CREB3L2: variants seen among roughly 807,000 people sequenced by gnomAD.
CREB3L2 encodes the protein cyclic AMP-responsive element-binding protein 3-like protein 2.
In CREB3L2, 23 loss-of-function variants were observed where a neutral mutation model predicts 57.2. The ratio of observed to expected loss-of-function variants is 0.40; its 90% CI spans 0.29 to 0.57. The LOEUF is 0.57. CREB3L2 is among the 20% of genes least tolerant of loss of function. The pLI is 0.42. For synonymous variants in CREB3L2, 268 were observed against 265.1 expected, an observed-to-expected ratio of 1.01 and a Z score of -0.11; for missense variants, 628 against 634.7, an observed-to-expected ratio of 0.99 and a Z score of 0.11.
intron 1 of CREB3L2, among the ~76,000 whole-genome samples, chr7:137,978,812 GCA>G (rs1321937157): frequency 6.6e-6 from 1 of 152,174 alleles, no homozygotes; most frequent in Non-Finnish European, 1.5e-5. Context: ...GCAGCACTGG[GCA>G]CAGAGTGCGG....
At chr7:137,986,983 C>T (rs1158765425) in intron 1 of CREB3L2, among the ~76,000 whole-genome samples, 4 of 152,238 alleles carry the variant, frequency 2.6e-5, no homozygotes, top group Non-Finnish European at 5.9e-5. Flanking sequence ...AGCTGTGCTG[C>T]AGCTGTTCGC....
At chr7:137,924,122 C>G (rs1372335941) in intron 2 of CREB3L2, among the ~76,000 whole-genome samples, 1 of 152,198 alleles carries the variant, frequency 6.6e-6, no homozygotes, top group Non-Finnish European at 1.5e-5. Context: ...CCACTGAAAG[C>G]CCTACTAAAT....
intron 5 of CREB3L2, among the ~76,000 whole-genome samples, chr7:137,906,485 T>C (rs2117206740): frequency 6.6e-6 from 1 of 152,354 alleles, no homozygotes; most frequent in Non-Finnish European, 1.5e-5. Flanking sequence ...TATTGCATTT[T>C]AGCTCCATAC....
chr7:137,893,138 C>T (rs1040089594), intron 8 of CREB3L2, among the ~76,000 whole-genome samples: 6 of 151,952 alleles, frequency 3.9e-5, no homozygotes, highest in African/African-American at 1.5e-4. Context: ...TTACAAGAGG[C>T]TTCTTTATTT....
At chr7:137,920,577 T>C (rs913020695) in intron 2 of CREB3L2, among the ~76,000 whole-genome samples, 4 of 152,202 alleles carry the variant, frequency 2.6e-5, no homozygotes, top group Non-Finnish European at 5.9e-5. Flanking sequence ...GCTGATACAA[T>C]ATAGCCGAAT....
rs577051380 is a variant in CREB3L2 at position 137,927,376 on chromosome 7, GAGAA to G, written c.319+770_319+773del. Among the ~76,000 whole-genome samples the G allele has an allele frequency of 3.6e-4, 49 of 134,388 alleles. No homozygotes were observed. In the South Asian group the frequency reaches 9.0e-3, roughly 25 times the overall value. The allele number at this position is 134,388 out of a possible 152,430, so 88.2% of individuals were successfully genotyped here. ...AGAGAGAAAAAGAAGAAAGAAAAGA[GAGAA>G]GGAAGGGAGGGAAGGAGGGAAGGAA... On this transcript the variant is annotated intron_variant, in intron 2 of 11. Coordinates refer to ENST00000330387, the MANE Select transcript of CREB3L2 (RefSeq NM_194071.4).
chr7:137,878,990 T>G lies in CREB3L2; in HGVS notation c.*1486A>C. ...GAGAGAAGCCAAAACCAAAGGCATT[T>G]CAGCTGCTAATAAAAATAAAATACA... On this transcript the variant is annotated 3_prime_UTR_variant, in exon 12 of 12. Transcript: ENST00000330387. 2.4e-6 allele frequency: 1 copy of G among 412,742 alleles called. No homozygotes were observed. Among genetic ancestry groups the G allele is most frequent in the East Asian group, 4.4e-5 (1 of 22,682 alleles). 25.6% of individuals were successfully genotyped at this position (412,742 alleles called of 1,614,324 possible).
chr7:137,905,919 G>A, intron 5 of CREB3L2, 71 bp from the exon 6 acceptor site: 3 of 1,392,884 alleles, frequency 2.2e-6, no homozygotes, highest in African/African-American at 1.4e-5. Flanking sequence ...ACCTCCCAAT[G>A]GGATGATGAG....
chr7:137,995,701 A>G (rs1436684731), intron 1 of CREB3L2, among the ~76,000 whole-genome samples: 1 of 152,084 alleles, frequency 6.6e-6, no homozygotes, highest in Non-Finnish European at 1.5e-5. Context: ...ATCTGAATCC[A>G]TTTTCAGTTA....
At chr7:137,912,830 T>C (rs1314301724) in intron 4 of CREB3L2, 161 bp downstream of exon 4, 27 of 1,524,584 alleles carry the variant, frequency 1.8e-5, no homozygotes, top group Non-Finnish European at 2.3e-5. Context: ...AAAATTTTTA[T>C]TTGGAAGCAA....
chr7:137,922,576 G>T (rs540979016), intron 2 of CREB3L2: 1 of 427,276 alleles, frequency 2.3e-6, no homozygotes, highest in Non-Finnish European at 4.8e-6. Flanking sequence ...ATCAGATGAC[G>T]TACTACCACT....
chr7:137,940,337 C>T (rs1295201438), intron 1 of CREB3L2, among the ~76,000 whole-genome samples: 2 of 152,196 alleles, frequency 1.3e-5, no homozygotes, highest in East Asian at 1.9e-4. Context: ...ACTATTCCTA[C>T]ACTCTTGCAT....
chr7:137,922,386 A>ATGTGTG (rs1326136428), intron 2 of CREB3L2, among the ~76,000 whole-genome samples: 3 of 14,986 alleles, frequency 2.0e-4, no homozygotes, highest in African/African-American at 1.1e-3. Context: ...ATATATATGT[A>ATGTGTG]TATATATATA....
At chr7:137,940,894 T>C (rs888364093) in intron 1 of CREB3L2, among the ~76,000 whole-genome samples, 2 of 152,224 alleles carry the variant, frequency 1.3e-5, no homozygotes, top group African/African-American at 4.8e-5. Flanking sequence ...ACTGTTTGTG[T>C]TGTTTAAATG....
Position 138,002,030 on chromosome 7 carries a change from A to G in CREB3L2, c.-325T>C. On this transcript the variant is annotated 5_prime_UTR_variant, in exon 1 of 12. Coordinates refer to ENST00000330387, the MANE Select transcript of CREB3L2 (RefSeq NM_194071.4). Reference sequence around the variant, plus strand: ...AGGAAAATCCCTTAGCCGCAAGCCCACTTGCCGCTACGGCTCCAGACACAA... The same window carrying G: ...AGGAAAATCCCTTAGCCGCAAGCCCGCTTGCCGCTACGGCTCCAGACACAA... 1 of 323,902 alleles carries G rather than the reference A, an allele frequency of 3.1e-6. No individual in the cohort carries two copies. Among genetic ancestry groups the G allele is most frequent in the Non-Finnish European group, 5.7e-6 (1 of 174,418 alleles). The allele number at this position is 323,902 out of a possible 1,614,324, so 20.1% of individuals were successfully genotyped here. A position where few individuals can be genotyped will look rare whatever the true frequency, so the allele number is the denominator to read the frequency against.
intron 1 of CREB3L2, among the ~76,000 whole-genome samples, chr7:137,945,328 A>C (rs957158594): frequency 2.0e-5 from 3 of 152,252 alleles, no homozygotes; most frequent in Admixed American, 6.5e-5. Context: ...CTTCTTATCT[A>C]TATTTCTAAC....
rs772307261 is a variant in CREB3L2, at chr7:137,880,434, A to T, written c.*42T>A. On this transcript the variant is annotated 3_prime_UTR_variant, in exon 12 of 12. Transcript: ENST00000330387. The surrounding 1 kb of genome is among the most constrained non-coding windows in gnomAD (Gnocchi z 4.0). ...ATGACAAAGGTGGTTTGGGGATGTA[A>T]AAGTAGAGTTAAGGGAAAGGGAGGG... 1.1e-5 allele frequency: 17 copies of T among 1,525,536 alleles called. No individual in the cohort carries two copies. In the South Asian group the frequency reaches 1.9e-4, roughly 17 times the overall value. 94.5% of individuals were successfully genotyped at this position (1,525,536 alleles called of 1,614,324 possible).
chr7:137,936,749 C>G (rs1800792560), intron 1 of CREB3L2, among the ~76,000 whole-genome samples: 1 of 152,156 alleles, frequency 6.6e-6, no homozygotes, highest in South Asian at 2.1e-4. Flanking sequence ...CGGGCTAAAC[C>G]CTGCCAGCAG....
chr7:137,922,412 A>ATG (rs1554498025), intron 2 of CREB3L2, among the ~76,000 whole-genome samples: 6 of 29,468 alleles, frequency 2.0e-4, no homozygotes, highest in East Asian at 3.8e-3. Context: ...ATATATATAT[A>ATG]TATGTATATA....
Sources: gnomAD v4.1 joint callset for allele counts (sites outside exome capture counted in the v4.1 genomes callset) on GRCh38, gnomAD v4.1.1 for gene constraint, Gnocchi (gnomAD v3.1) non-coding constraint, MANE v1.5 for transcripts, NCBI Gene and HGNC (gene_info 2026-07-23, HGNC 2026-07-21) for gene names.